The following CPSF1 variants were observed in gnomAD, a reference collection of about 807,000 sequenced individuals.
CPSF1 encodes the protein cleavage and polyadenylation specific factor 1.
A neutral mutation model predicts 175.8 loss-of-function variants in CPSF1; 106 were observed. The ratio of observed to expected loss-of-function variants is 0.60; its 90% CI spans 0.52 to 0.71. The LOEUF (loss-of-function observed/expected upper bound fraction) is 0.71, where lower values mean the gene tolerates loss of function less well. Ranked by LOEUF, CPSF1 falls within the 30% of genes least tolerant of loss-of-function variation. The pLI is 0.00. For synonymous variants in CPSF1, 1,024 were observed against 858.3 expected (o/e 1.19, Z -3.37); for missense variants, 1,734 against 2,022.9 (o/e 0.86, Z 2.74).
rs145778551 is a variant in CPSF1 at position 144,399,370 on chromosome 8, G to A, written c.1298C>T (p.Ala433Val). The change falls in exon 14 of 38, where the codon GCG becomes GTG. Residue 433 changes from alanine to valine, a missense_variant. Ala to Val is a moderately conservative substitution (Grantham distance 64). Around this residue, in one of 10 missense-constraint regions of CPSF1, gnomAD observed 162 missense variants for 169.5 expected, o/e 0.96. Transcript: ENST00000616140. This position sits in a 1 kb window ranked among gnomAD's most constrained non-coding sequence, Gnocchi z 6.4. Reference protein sequence around the residue: ...RVDATAGWSAAGKSVPQDEVD... With the variant: ...RVDATAGWSAVGKSVPQDEVD... ...CTCATCCTGCGGCACCGACTTACCC[G>A]CAGCTGCACACAGAGAGCCCACTTG... is the stretch of plus-strand genomic sequence containing the variant. 45 of 1,612,604 alleles carry A rather than the reference G, an allele frequency of 2.8e-5. No homozygotes were observed. The African/African-American group carries it at 3.5e-4, about 12-fold the overall frequency.
chr8:144,403,701 T>A lies in CPSF1; in HGVS notation c.145-2028A>T, dbSNP rs192690888. Among the ~76,000 whole-genome samples, 547 of 114,744 alleles carry A rather than the reference T, an allele frequency of 4.8e-3. 3 individuals carry two copies. Among genetic ancestry groups the A allele is most frequent in the South Asian group, 0.018 (50 of 2,706 alleles). 75.3% of individuals were successfully genotyped at this position (114,744 alleles called of 152,430 possible). ...CCAAGTAGCTGGGATTACAGGCATG[T>A]GCTACCATGCCCGGCTATTTTTGTA... is the stretch of plus-strand genomic sequence containing the variant. On this transcript the variant is annotated intron_variant, in intron 2 of 37. Coordinates refer to ENST00000616140, the MANE Select transcript of CPSF1 (RefSeq NM_013291.3).
chr8:144,400,000 G>A lies in CPSF1; in HGVS notation c.1023C>T (p.Gly341=), dbSNP rs2116869051. The A allele has an allele frequency of 2.0e-5, 33 of 1,611,992 alleles. No homozygotes were observed. Among genetic ancestry groups the A allele is most frequent in the Non-Finnish European group, 2.5e-5 (29 of 1,179,704 alleles). ...SYDKMVISLK[G]GEIYVLTLIT... ...GCGGGGGAGGGGCTCACATCTCGCC[G>A]CCCTTGAGGGAGATGACCATCTTGT... Residue 341 remains glycine (G), a synonymous_variant, in exon 10 of 38, where the codon GGC becomes GGT. Transcript: ENST00000616140. This position sits in a 1 kb window ranked among gnomAD's most constrained non-coding sequence, Gnocchi z 6.4.
In CPSF1 at chr8:144,409,280, G is replaced by A. The variant is rs1821669216; in HGVS notation, c.-15+9C>T. 3.2e-6 allele frequency: 3 copies of A among 940,120 alleles called. No homozygotes were observed. The South Asian group carries it at 1.5e-4, about 49-fold the overall frequency. 58.2% of individuals were successfully genotyped at this position (940,120 alleles called of 1,614,324 possible). ...CGCTGCCGCCTCGGCCGCCCGCCCG[G>A]CCGCCCACCTGGCAGTTGGAGCCGA... On this transcript the variant is annotated intron_variant, in intron 1 of 37. Coordinates refer to ENST00000616140, the MANE Select transcript of CPSF1 (RefSeq NM_013291.3).
At chr8:144,407,250 C>G (rs1314523291) in intron 2 of CPSF1, among the ~76,000 whole-genome samples, 1 of 149,452 alleles carries the variant, frequency 6.7e-6, no homozygotes, top group African/African-American at 2.5e-5. Context: ...GGGTCTCACT[C>G]TGTTGTCCAG....
chr8:144,401,695 G>A (rs2116886802), intron 2 of CPSF1, 22 bp from the exon 3 acceptor site: 3 of 1,595,794 alleles, frequency 1.9e-6, no homozygotes, highest in Non-Finnish European at 2.6e-6. Flanking sequence ...AGAAAGACAG[G>A]GCAGTGAGGG....
In CPSF1 at chr8:144,400,279, G is replaced by A. The variant is rs2116874101; in HGVS notation, c.827-3C>T. ...GACGGCAAACACCACCACCCCACCT[G>A]GAGGTGGACACAGGCTGGTGGGCAG... On this transcript the variant is annotated splice_polypyrimidine_tract_variant and splice_region_variant and intron_variant, in intron 8 of 37. Coordinates refer to ENST00000616140, the MANE Select transcript of CPSF1 (RefSeq NM_013291.3). The A allele has an allele frequency of 1.9e-4, 312 of 1,606,328 alleles. No homozygotes were observed. The African/African-American group carries it at 3.7e-3, about 19-fold the overall frequency.
chr8:144,395,655 GGA>G, intron 26 of CPSF1, 104 bp from the exon 27 acceptor site: 2 of 964,230 alleles, frequency 2.1e-6, no homozygotes, highest in Non-Finnish European at 3.2e-6. Context: ...CAGCTCTGTG[GGA>G]GCAGGGGTGG....
chr8:144,401,778 C>T, intron 2 of CPSF1, 105 bp from the exon 3 acceptor site: 2 of 1,254,872 alleles, frequency 1.6e-6, no homozygotes, highest in Non-Finnish European at 2.2e-6. Context: ...CTCCTGGGAG[C>T]TCTGCCCAAA....
At chr8:144,401,397 G>A in intron 4 of CPSF1, 33 bp downstream of exon 4, 1 of 1,613,056 alleles carries the variant, frequency 6.2e-7, no homozygotes, top group Non-Finnish European at 8.5e-7. Context: ...CCCACGCCTT[G>A]GCCAGGCCTA....
Position 144,397,898 on chromosome 8 carries a change from G to C in CPSF1, c.2074-19C>G. On this transcript the variant is annotated intron_variant, in intron 20 of 37. Coordinates refer to ENST00000616140, the MANE Select transcript of CPSF1 (RefSeq NM_013291.3). ...TGGACTGCTGCGGGGAGAGGGGTGG[G>C]CTCAGCGGCGGGCAAGGGGCAGGGA... 4 of 1,599,866 alleles carry C rather than the reference G, an allele frequency of 2.5e-6. No homozygotes were observed. Among genetic ancestry groups the C allele is most frequent in the Non-Finnish European group, 3.4e-6 (4 of 1,172,378 alleles).
Position 144,396,335 on chromosome 8 carries a change from G to T in CPSF1, c.2979+13C>A. Reference sequence around the variant, plus strand: ...GCATCAGCCAGTGCTGCTGGGAACCGGCCGGGCCCCACCTGTCTGTTGAAG... The same window carrying T: ...GCATCAGCCAGTGCTGCTGGGAACCTGCCGGGCCCCACCTGTCTGTTGAAG... On this transcript the variant is annotated intron_variant, in intron 26 of 37. Coordinates refer to ENST00000616140, the MANE Select transcript of CPSF1 (RefSeq NM_013291.3). 1 of 1,577,126 alleles carries T rather than the reference G, an allele frequency of 6.3e-7. No homozygotes were observed. Among genetic ancestry groups the T allele is most frequent in the Admixed American group, 1.9e-5 (1 of 52,480 alleles).
rs1820507131 is a variant in CPSF1 at position 144,393,763 on chromosome 8, G to A, written c.4049C>T (p.Pro1350Leu). 3.1e-6 allele frequency: 5 copies of A among 1,592,752 alleles called. No individual in the cohort carries two copies. The Admixed American group carries it at 5.2e-5, about 16-fold the overall frequency. ...CCGCCGGTAGGTCTTCTCCTGCATGGGCAGCAGCAGCCCGATGCCGCCGTC... is the reference window on the plus strand; with the variant it reads ...CCGCCGGTAGGTCTTCTCCTGCATGAGCAGCAGCAGCCCGATGCCGCCGTC... Reference protein sequence around the residue: ...TLDGGIGLLLPMQEKTYRRLL... With the variant: ...TLDGGIGLLLLMQEKTYRRLL... The change falls in exon 36 of 38, where the codon CCC (proline) becomes CTC (leucine). Residue 1350 changes from proline (P) to leucine (L), a missense_variant. Pro to Leu is a moderately conservative substitution (Grantham distance 98). This residue lies in a region of CPSF1 where 323 missense variants were observed against 338.5 expected (regional missense o/e 0.95). Coordinates refer to ENST00000616140, the MANE Select transcript of CPSF1 (RefSeq NM_013291.3).
chr8:144,394,537 G>A lies in CPSF1; in HGVS notation c.3586C>T (p.Arg1196Trp), dbSNP rs782525119. Residue 1196 changes from arginine (R) to tryptophan (W), a missense_variant, in exon 32 of 38, where the codon CGG becomes TGG. Transcript: ENST00000616140. ...IGQKIFLWSL[R>W]ASELTGMAFI... ...GCCATGCCCGTCAGCTCGCTGGCCC[G>A]CAGGCTCCACAGGAAAATCTGGGGG... is the stretch of plus-strand genomic sequence containing the variant. 14 of 1,608,370 alleles carry A rather than the reference G, an allele frequency of 8.7e-6. No individual in the cohort carries two copies. The highest frequency in any genetic ancestry group is 3.3e-4 in the Middle Eastern group (2 of 6,072).
intron 30 of CPSF1, 41 bp downstream of exon 30, chr8:144,394,841 G>A (rs367971746): frequency 2.0e-5 from 32 of 1,612,348 alleles, no homozygotes; most frequent in Non-Finnish European, 2.4e-5. Flanking sequence ...GGGGATGGCA[G>A]AGGGGCTGCC....
At chr8:144,402,088 C>T (rs1438915816) in intron 2 of CPSF1, among the ~76,000 whole-genome samples, 1 of 152,256 alleles carries the variant, frequency 6.6e-6, no homozygotes, top group African/African-American at 2.4e-5. Flanking sequence ...TCTGTAGCTA[C>T]TGATCTGCGT....
chr8:144,402,961 G>A (rs1345619189), intron 2 of CPSF1, among the ~76,000 whole-genome samples: 4 of 152,064 alleles, frequency 2.6e-5, no homozygotes, highest in South Asian at 4.1e-4. Flanking sequence ...CTAGATTTCC[G>A]CAAGAACAGC....
Position 144,394,397 on chromosome 8 carries a change from C to G in CPSF1, c.3726G>C (p.Thr1242=). The change falls in exon 32 of 38, where the codon ACG becomes ACC. Residue 1242 remains threonine, a synonymous_variant. Transcript: ENST00000616140. ...GGTGTACCCGCGACACCAGGCTCAG[C>G]GTCTTGCTTTCCTCCTGGTAGCGCA... ...SLLRYQEESK[T]LSLVSRDAKP... 6.2e-7 allele frequency: 1 copy of G among 1,608,616 alleles called. No individual in the cohort carries two copies. Among genetic ancestry groups the G allele is most frequent in the South Asian group, 1.1e-5 (1 of 90,406 alleles).
At chr8:144,402,556 T>A (rs1372423161) in intron 2 of CPSF1, among the ~76,000 whole-genome samples, 2 of 152,090 alleles carry the variant, frequency 1.3e-5, no homozygotes, top group African/African-American at 4.8e-5. Flanking sequence ...CCGCCCACCT[T>A]AGCCTCCCAA....
rs782186272 is a variant in CPSF1, at chr8:144,394,683, G to A, written c.3528C>T (p.Cys1176=). Residue 1176 remains cysteine, a synonymous_variant, in exon 31 of 38, where the codon TGC becomes TGT. Transcript: ENST00000616140. The stretch of plus-strand genomic sequence containing the variant: ...CCGACACCAGGTGGCCATTGCAGTG[G>A]CACAGGGCGGTCACGGGCCCCTTCT... ...KEQKGPVTAL[C]HCNGHLVSAI... 1.9e-6 allele frequency: 3 copies of A among 1,611,834 alleles called. No homozygotes were observed. The highest frequency in any genetic ancestry group is 2.5e-6 in the Non-Finnish European group (3 of 1,179,304).
Sources: gnomAD v4.1 joint callset for allele counts (sites outside exome capture counted in the v4.1 genomes callset) on GRCh38, gnomAD v4.1.1 for gene constraint, gnomAD v4.1.1 regional missense constraint, Gnocchi (gnomAD v3.1) non-coding constraint, MANE v1.5 for transcripts, NCBI Gene and HGNC (gene_info 2026-07-23, HGNC 2026-07-21) for gene names.